RBBP5: variants seen among roughly 807,000 people sequenced by gnomAD.
RBBP5 encodes RB binding protein 5, histone lysine methyltransferase complex subunit.
Under a neutral mutation model 72.2 loss-of-function variants are expected in RBBP5, and 5 were observed. That is an observed-to-expected ratio of 0.07 (90% CI 0.04 to 0.15). The LOEUF (loss-of-function observed/expected upper bound fraction) is 0.15. Ranked by LOEUF, RBBP5 falls within the 10% of genes least tolerant of loss-of-function variation. RBBP5 has a pLI of 1.00. For synonymous variants in RBBP5, 209 were observed against 237.2 expected, an observed-to-expected ratio of 0.88 and a Z score of 1.09; for missense variants, 322 against 652.2, an observed-to-expected ratio of 0.49 and a Z score of 5.51.
intron 1 of RBBP5, among the ~76,000 whole-genome samples, chr1:205,119,743 AAT>A: frequency 6.6e-6 from 1 of 152,342 alleles, no homozygotes; most frequent in South Asian, 2.1e-4. Context: ...TACATAGATT[AAT>A]ACATGGAAGG....
At chr1:205,096,443 G>A (rs574918280) in intron 12 of RBBP5, among the ~76,000 whole-genome samples, 26 of 152,280 alleles carry the variant, frequency 1.7e-4, no homozygotes, top group African/African-American at 6.3e-4. Flanking sequence ...CTCTGAGCCG[G>A]CTGTCAGAAG....
chr1:205,094,224 G>C (rs1340135212), intron 13 of RBBP5, among the ~76,000 whole-genome samples: 3 of 152,180 alleles, frequency 2.0e-5, no homozygotes, highest in Non-Finnish European at 4.4e-5. Context: ...CACAGATACT[G>C]TAGTTTCTGT....
chr1:205,121,947 G>C lies in RBBP5; in HGVS notation c.-74C>G, dbSNP rs112648081. The C allele has an allele frequency of 2.2e-3, 3,436 of 1,598,064 alleles. 84 individuals carry two copies. In the African/African-American group the frequency reaches 0.042, roughly 19 times the overall value. On this transcript the variant is annotated 5_prime_UTR_variant, in exon 1 of 14. Transcript: ENST00000264515. ...TCCCCGGCCGGCTTCAGCAACTTGC[G>C]TCTAAGTGGTGGACGCCGCGAAGAG...
chr1:205,103,773 A>G, intron 5 of RBBP5, 84 bp downstream of exon 5: 3 of 1,515,700 alleles, frequency 2.0e-6, no homozygotes, highest in East Asian at 4.6e-5. Flanking sequence ...CCAAGAATAA[A>G]AACAATTTTC....
chr1:205,116,741 G>A (rs554841420), intron 1 of RBBP5, among the ~76,000 whole-genome samples: 4 of 152,296 alleles, frequency 2.6e-5, no homozygotes, highest in Non-Finnish European at 1.5e-5. Flanking sequence ...TTGAACCTGG[G>A]AGACGGAGGT....
At chr1:205,094,849 A>C in intron 13 of RBBP5, 24 bp downstream of exon 13, 2 of 1,593,434 alleles carry the variant, frequency 1.3e-6, no homozygotes, top group African/African-American at 2.7e-5. Context: ...AGCAAGCCAG[A>C]CAATGCTCCC....
chr1:205,106,049 A>T (rs536420530), intron 3 of RBBP5, among the ~76,000 whole-genome samples: 11 of 152,350 alleles, frequency 7.2e-5, no homozygotes, highest in Admixed American at 7.2e-4. Context: ...TACCACCAGC[A>T]GTAATGAGGT....
chr1:205,109,481 G>A (rs1264490902), intron 3 of RBBP5, among the ~76,000 whole-genome samples: 1 of 152,100 alleles, frequency 6.6e-6, no homozygotes, highest in Non-Finnish European at 1.5e-5. Flanking sequence ...TGCTATTCTT[G>A]TAGGCCTGTT....
At chr1:205,098,966 T>C (rs1380714417) in intron 10 of RBBP5, 23 bp downstream of exon 10, 3 of 1,415,550 alleles carry the variant, frequency 2.1e-6, no homozygotes, top group Admixed American at 2.2e-5. Flanking sequence ...TAGGAAATCC[T>C]GTCTGCAATT....
chr1:205,088,802 G>C lies in RBBP5; in HGVS notation c.1602C>G (p.Ile534Met), dbSNP rs771836193. The C allele has an allele frequency of 1.1e-5, 17 of 1,589,400 alleles. No individual in the cohort carries two copies. Among genetic ancestry groups the C allele is most frequent in the Non-Finnish European group, 1.3e-5 (15 of 1,169,432 alleles). The part of the protein sequence containing the change: ...LSQPLTAGGA[I>M]SELL ...TCGAAGGTCTTCATAACAGTTCTGA[G>C]ATTGCTCCTCCTGCTAAAGAGATTA... The change falls in exon 14 of 14, where the codon ATC becomes ATG. Residue 534 changes from isoleucine (I) to methionine (M), a missense_variant. Physicochemically the swap from Ile to Met is conservative, Grantham distance 10 (BLOSUM62 1). Around this residue, in one of 6 missense-constraint regions of RBBP5, gnomAD observed 109 missense variants for 146.3 expected, o/e 0.75. Transcript: ENST00000264515.
At chr1:205,117,117 T>C (rs1211092222) in intron 1 of RBBP5, among the ~76,000 whole-genome samples, 2 of 152,024 alleles carry the variant, frequency 1.3e-5, no homozygotes, top group Admixed American at 6.5e-5. Flanking sequence ...AGTGGTGCAA[T>C]CTTGGCTCAC....
At chr1:205,119,798 G>A (rs1249482981) in intron 1 of RBBP5, among the ~76,000 whole-genome samples, 5 of 152,136 alleles carry the variant, frequency 3.3e-5, no homozygotes, top group East Asian at 1.9e-4. Flanking sequence ...CTTTATAACC[G>A]TTAGCTAACT....
rs372068568 is a variant in RBBP5 at position 205,099,877 on chromosome 1, G to A, written c.906+34C>T. On this transcript the variant is annotated intron_variant, in intron 8 of 13. Coordinates refer to ENST00000264515, the MANE Select transcript of RBBP5 (RefSeq NM_005057.4). The surrounding 1 kb of genome is among the most constrained non-coding windows in gnomAD (Gnocchi z 4.7). Reference sequence around the variant, plus strand: ...ACAGATTTTAGATTTTTTGGATTATGTGACTAACAAAAGCAATGTCCTAAT... The same window carrying A: ...ACAGATTTTAGATTTTTTGGATTATATGACTAACAAAAGCAATGTCCTAAT... The A allele has an allele frequency of 4.3e-5, 69 of 1,613,458 alleles. No individual in the cohort carries two copies. The highest frequency in any genetic ancestry group is 5.5e-5 in the Non-Finnish European group (65 of 1,179,642).
intron 10 of RBBP5, 125 bp downstream of exon 10, chr1:205,098,864 A>AAT (rs1655714786): frequency 3.9e-6 from 2 of 517,976 alleles, no homozygotes; most frequent in Admixed American, 3.7e-5. Context: ...AAAAAAAAAA[A>AAT]GTGTGGGGTG....
intron 11 of RBBP5, 94 bp downstream of exon 11, chr1:205,097,232 G>A (rs1655652609): frequency 6.7e-6 from 8 of 1,192,102 alleles, no homozygotes; most frequent in Admixed American, 6.5e-5. Context: ...ATAAGCAGAC[G>A]GGAATGAAGG....
rs1334987230 is a variant in RBBP5, at chr1:205,100,246, G to C, written c.658C>G (p.Arg220Gly). Residue 220 changes from arginine to glycine, a missense_variant, in exon 7 of 14, where the codon CGA becomes GGA. Arg to Gly is a moderately radical substitution (Grantham distance 125, BLOSUM62 -2). Coordinates refer to ENST00000264515, the MANE Select transcript of RBBP5 (RefSeq NM_005057.4). ...CTGCCATCATAAACTCTGATTATTC[G>C]ATCTGCCGTGTTAATTAAAAAGCAA... is the stretch of plus-strand genomic sequence containing the variant. ...GSCFLINTADRIIRVYDGREI... is the reference protein window; with the variant it reads ...GSCFLINTADGIIRVYDGREI... 1 of 1,613,898 alleles carries C rather than the reference G, an allele frequency of 6.2e-7. No homozygotes were observed. Among genetic ancestry groups the C allele is most frequent in the Non-Finnish European group, 8.5e-7 (1 of 1,180,004 alleles).
At chr1:205,090,450 AC>A (rs1655299737) in intron 13 of RBBP5, among the ~76,000 whole-genome samples, 1 of 152,210 alleles carries the variant, frequency 6.6e-6, no homozygotes, top group Admixed American at 6.5e-5. Context: ...TTCTGAATAG[AC>A]AAAATAAATA....
At chr1:205,100,326 C>A (rs921645031) in intron 6 of RBBP5, 55 bp from the exon 7 acceptor site, 8 of 1,580,312 alleles carry the variant, frequency 5.1e-6, no homozygotes, top group African/African-American at 1.4e-5. Context: ...TTCCTTAGTA[C>A]TACAAAACGA....
chr1:205,101,093 G>A (rs567472160), intron 6 of RBBP5, among the ~76,000 whole-genome samples: 19 of 152,210 alleles, frequency 1.2e-4, no homozygotes, highest in Non-Finnish European at 2.6e-4. Flanking sequence ...TGGCCTGGGG[G>A]TTGGGGACCC....
Sources: allele counts gnomAD v4.1 joint callset (sites outside exome capture counted in the v4.1 genomes callset), GRCh38; gene constraint gnomAD v4.1.1; regional missense constraint gnomAD v4.1.1; non-coding constraint Gnocchi (gnomAD v3.1); transcripts MANE v1.5; gene names NCBI Gene and HGNC (gene_info 2026-07-23, HGNC 2026-07-21).